The following TUBGCP6 variants were observed in gnomAD, a reference collection of about 807,000 sequenced individuals.
TUBGCP6 encodes the protein gamma-tubulin complex component 6.
TUBGCP6 carries 161 observed loss-of-function variants against 175.8 expected under a neutral mutation model. The observed-to-expected ratio is 0.92, with a 90% CI of 0.81 to 1.04. The LOEUF is 1.04. TUBGCP6 is among the 50% of genes least tolerant of loss of function. The pLI is 0.00. For synonymous variants in TUBGCP6, 1,173 were observed against 1,030.5 expected, an observed-to-expected ratio of 1.14 and a Z score of -2.65; for missense variants, 2,572 against 2,433.0, an observed-to-expected ratio of 1.06 and a Z score of -1.20.
In TUBGCP6 at chr22:50,218,410, A is replaced by G. The variant is rs1335103946; in HGVS notation, c.4955-8T>C. ...CCATGTGGCTCAGCAGGGCTGGCGGAGGGCAGAAGGCAGAGGGCAGAGGTG... is the reference window on the plus strand; with the variant it reads ...CCATGTGGCTCAGCAGGGCTGGCGGGGGGCAGAAGGCAGAGGGCAGAGGTG... On this transcript the variant is annotated splice_polypyrimidine_tract_variant and splice_region_variant and intron_variant, in intron 22 of 24. Coordinates refer to ENST00000248846, the MANE Select transcript of TUBGCP6 (RefSeq NM_020461.4). 6.2e-6 allele frequency: 10 copies of G among 1,612,734 alleles called. No individual in the cohort carries two copies. Among genetic ancestry groups the G allele is most frequent in the African/African-American group, 1.3e-5 (1 of 74,886 alleles).
In TUBGCP6 at chr22:50,221,266, C is replaced by G. The variant is rs1220499672; in HGVS notation, c.3093G>C (p.Gly1031=). 3.1e-6 allele frequency: 5 copies of G among 1,613,942 alleles called. No individual in the cohort carries two copies. The highest frequency in any genetic ancestry group is 1.1e-5 in the South Asian group (1 of 91,096). ...CGTAGTCCCCTGTGGGAAGACCACC[C>G]CCTGACACCTGCCCAAAGAGCCGCT... ...PTERLFGQVS[G]GGLPTGDYAS... The change falls in exon 16 of 25, where the codon GGG becomes GGC. Residue 1031 remains glycine, a synonymous_variant. Transcript: ENST00000248846.
intron 3 of TUBGCP6, 21 bp downstream of exon 3, chr22:50,233,295 C>T (rs769169391): frequency 3.6e-5 from 57 of 1,600,126 alleles, no homozygotes; most frequent in Non-Finnish European, 4.7e-5. Context: ...ACCACTGTGG[C>T]GGGGAGTGAG....
chr22:50,220,883 T>A lies in TUBGCP6; in HGVS notation c.3476A>T (p.Asn1159Ile), dbSNP rs771759610. 2.0e-5 allele frequency: 33 copies of A among 1,612,056 alleles called. No homozygotes were observed. The South Asian group carries it at 3.5e-4, about 17-fold the overall frequency. Residue 1159 changes from asparagine to isoleucine, a missense_variant, in exon 16 of 25, where the codon AAC becomes ATC. Physicochemically the swap from Asn to Ile is moderately radical, Grantham distance 149 (BLOSUM62 -3). Transcript: ENST00000248846. ...SDVAPTRPRW[N>I]THGHVSDASI... is the part of the protein sequence containing the mutation. ...GGCATCGGACACGTGTCCATGGGTG[T>A]TCCACCGTGGCCGGGTGGGAGCCAC...
In TUBGCP6 at chr22:50,224,171, G is replaced by A. The variant is rs2147184677; in HGVS notation, c.2240C>T (p.Ser747Phe). Reference sequence around the variant, plus strand: ...CTTCCTCTCCAGCTCCTCCTCCAGGGACTTCAGCCTTCTCTCCCTGTCTCG... The same window carrying A: ...CTTCCTCTCCAGCTCCTCCTCCAGGAACTTCAGCCTTCTCTCCCTGTCTCG... ...ELRDRERRLK[S>F]LEEELERKAR... The change falls in exon 13 of 25, where the codon TCC (serine) becomes TTC (phenylalanine). Residue 747 changes from serine (S) to phenylalanine (F), a missense_variant. Physicochemically the swap from Ser to Phe is radical, Grantham distance 155. Coordinates refer to ENST00000248846, the MANE Select transcript of TUBGCP6 (RefSeq NM_020461.4). 1 of 1,613,912 alleles carries A rather than the reference G, an allele frequency of 6.2e-7. No individual in the cohort carries two copies. The highest frequency in any genetic ancestry group is 8.5e-7 in the Non-Finnish European group (1 of 1,180,014).
Position 50,222,448 on chromosome 22 carries a change from A to T in TUBGCP6, c.2409+6T>A. The T allele has an allele frequency of 6.2e-7, 1 of 1,613,594 alleles. No homozygotes were observed. Among genetic ancestry groups the T allele is most frequent in the Non-Finnish European group, 8.5e-7 (1 of 1,179,964 alleles). ...GAAGAGCTGCCATCTGAAGCCGCAG[A>T]CATACCTGAATGTGTTTCTCATCTT... is the stretch of plus-strand genomic sequence containing the variant. On this transcript the variant is annotated splice_donor_region_variant and intron_variant, in intron 14 of 24. Coordinates refer to ENST00000248846, the MANE Select transcript of TUBGCP6 (RefSeq NM_020461.4).
intron 1 of TUBGCP6, among the ~76,000 whole-genome samples, chr22:50,241,090 G>T (rs1286120791): frequency 1.3e-5 from 2 of 152,208 alleles, no homozygotes; most frequent in Admixed American, 6.5e-5. Flanking sequence ...TCATAAATAT[G>T]ATTATATATG....
Position 50,221,735 on chromosome 22 carries a change from C to T in TUBGCP6, c.2624G>A (p.Gly875Glu), listed in dbSNP as rs766774651. 6.6e-7 allele frequency: 1 copy of T among 1,516,388 alleles called. No individual in the cohort carries two copies. 93.9% of individuals were successfully genotyped at this position (1,516,388 alleles called of 1,614,324 possible). A position where few individuals can be genotyped will look rare whatever the true frequency, so the allele number is the denominator to read the frequency against. Residue 875 changes from glycine to glutamate, a missense_variant, in exon 16 of 25, where the codon GGG becomes GAG. Coordinates refer to ENST00000248846, the MANE Select transcript of TUBGCP6 (RefSeq NM_020461.4). ...CTGCTGCAGCCCCCTGCCACCAGCC[C>T]CCACTGCTAGAGGCTTAAGGGGCTG... ...TPQPLKPLAVGAGGRGLQQAE... is the reference protein window; with the variant it reads ...TPQPLKPLAVEAGGRGLQQAE...
At chr22:50,235,884 G>A (rs2064772764) in intron 2 of TUBGCP6, among the ~76,000 whole-genome samples, 1 of 150,622 alleles carries the variant, frequency 6.6e-6, no homozygotes, top group African/African-American at 2.4e-5. Flanking sequence ...AGGTTGCAGT[G>A]AGCCAAGATC....
intron 1 of TUBGCP6, 81 bp downstream of exon 1, chr22:50,243,638 G>C: frequency 3.6e-6 from 2 of 552,514 alleles, no homozygotes; most frequent in South Asian, 7.0e-5. Flanking sequence ...AAAAAAAGAA[G>C]AAGAAGAAGA....
At chr22:50,231,380 G>C (rs1187843905) in intron 3 of TUBGCP6, among the ~76,000 whole-genome samples, 1 of 151,754 alleles carries the variant, frequency 6.6e-6, no homozygotes, top group Non-Finnish European at 1.5e-5. Context: ...CTTGAACCCA[G>C]GAGGCGGAGG....
At chr22:50,222,202 A>G (rs2064538267) in intron 14 of TUBGCP6, 100 bp from the exon 15 acceptor site, 1 of 1,320,948 alleles carries the variant, frequency 7.6e-7, no homozygotes, top group Non-Finnish European at 1.1e-6. Context: ...AGCCATGTGC[A>G]CTGAACCAGA....
chr22:50,227,958 A>C lies in TUBGCP6; in HGVS notation c.1361T>G (p.Leu454Arg). The change falls in exon 5 of 25, where the codon CTG becomes CGG. Residue 454 changes from leucine (L) to arginine (R), a missense_variant. Physicochemically the swap from Leu to Arg is moderately radical, Grantham distance 102 (BLOSUM62 -2). Coordinates refer to ENST00000248846, the MANE Select transcript of TUBGCP6 (RefSeq NM_020461.4). ...RACVLSTPPT[L>R]SLLTIGFLFK... is the part of the protein sequence containing the mutation. The stretch of plus-strand genomic sequence containing the variant: ...GAGAAAACCAATGGTGAGGAGGCTC[A>C]GGGTGGGCGGAGTGGAAAGGACGCA... 1 of 1,572,582 alleles carries C rather than the reference A, an allele frequency of 6.4e-7. No individual in the cohort carries two copies. Among genetic ancestry groups the C allele is most frequent in the Non-Finnish European group, 8.6e-7 (1 of 1,158,678 alleles).
rs1451430077 is a variant in TUBGCP6, at chr22:50,218,265, C to T, written c.5092G>A (p.Ala1698Thr). 2 of 1,613,000 alleles carry T rather than the reference C, an allele frequency of 1.2e-6. No individual in the cohort carries two copies. The highest frequency in any genetic ancestry group is 1.7e-5 in the Admixed American group (1 of 60,008). The change falls in exon 23 of 25, where the codon GCC becomes ACC. Residue 1698 changes from alanine (A) to threonine (T), a missense_variant. Coordinates refer to ENST00000248846, the MANE Select transcript of TUBGCP6 (RefSeq NM_020461.4). ...AGGTCGCCCACGGTGGCCAACCTGGCCCTGAACTCGCACCAGGTGACGTGC... is the reference window on the plus strand; with the variant it reads ...AGGTCGCCCACGGTGGCCAACCTGGTCCTGAACTCGCACCAGGTGACGTGC... ...ILHVTWCEFRARLATVGDLEE... is the reference protein window; with the variant it reads ...ILHVTWCEFRTRLATVGDLEE...
chr22:50,219,046 C>T (rs758454623), intron 20 of TUBGCP6, 22 bp downstream of exon 20: 1 of 1,610,924 alleles, frequency 6.2e-7, no homozygotes, highest in Non-Finnish European at 8.5e-7. Context: ...ACCACTGGCC[C>T]CACCCCGTGT....
At chr22:50,240,446 CTT>C in intron 1 of TUBGCP6, 79 bp from the exon 2 acceptor site, 1 of 1,549,628 alleles carries the variant, frequency 6.5e-7, no homozygotes, top group African/African-American at 1.4e-5. Context: ...ATTTCAGGAA[CTT>C]TATGCAAAGA....
At chr22:50,237,410 T>G (rs1047510986) in intron 2 of TUBGCP6, among the ~76,000 whole-genome samples, 1 of 152,228 alleles carries the variant, frequency 6.6e-6, no homozygotes, top group African/African-American at 2.4e-5. Flanking sequence ...CCAAAGGAAC[T>G]TGAACCACAG....
chr22:50,224,806 G>A (rs939472296), intron 10 of TUBGCP6, among the ~76,000 whole-genome samples: 5 of 152,202 alleles, frequency 3.3e-5, no homozygotes, highest in Middle Eastern at 3.4e-3. Context: ...ATTTGGCGGG[G>A]GTCAGGGGAG....
intron 10 of TUBGCP6, among the ~76,000 whole-genome samples, chr22:50,225,175 T>C (rs940991485): frequency 1.3e-5 from 2 of 151,544 alleles, no homozygotes; most frequent in Admixed American, 1.3e-4. Flanking sequence ...AGGCTGTGTG[T>C]GCCCACCCTG....
chr22:50,233,657 A>G (rs1310460173), intron 2 of TUBGCP6, 131 bp from the exon 3 acceptor site: 8 of 885,310 alleles, frequency 9.0e-6, no homozygotes, highest in Admixed American at 2.5e-5. Context: ...TCTAAGAAAC[A>G]TAGCCAGGTA....
Sources: gnomAD v4.1 joint callset for allele counts (sites outside exome capture counted in the v4.1 genomes callset) on GRCh38, gnomAD v4.1.1 for gene constraint, MANE v1.5 for transcripts, NCBI Gene and HGNC (gene_info 2026-07-23, HGNC 2026-07-21) for gene names.